Variants in CALCOCO1 observed in about 807,000 individuals in gnomAD.
The protein encoded by CALCOCO1 is calcium-binding and coiled-coil domain-containing protein 1.
In CALCOCO1, 44 loss-of-function variants were observed where a neutral mutation model predicts 86.3. That is an observed-to-expected ratio of 0.51 (90% CI 0.40 to 0.66). The LOEUF (loss-of-function observed/expected upper bound fraction) is 0.66, where lower values mean the gene tolerates loss of function less well. Among genes scored for constraint, CALCOCO1 ranks in the 30% least tolerant of loss-of-function variants. The pLI is 0.00. For missense variants in CALCOCO1, 708 were observed against 851.1 expected, an observed-to-expected ratio of 0.83 and a Z score of 2.09; for synonymous variants, 297 against 327.6, an observed-to-expected ratio of 0.91 and a Z score of 1.01.
chr12:53,712,983 C>T, intron 14 of CALCOCO1, 117 bp downstream of exon 14: 2 of 1,283,284 alleles, frequency 1.6e-6, no homozygotes, highest in South Asian at 2.6e-5. Flanking sequence ...ATCTCCTTTT[C>T]TTGGCTGAGG....
At chr12:53,716,520 A>C in intron 7 of CALCOCO1, 105 bp from the exon 8 acceptor site, 1 of 1,194,140 alleles carries the variant, frequency 8.4e-7, no homozygotes, top group Non-Finnish European at 1.2e-6. Flanking sequence ...TCTCAGATTT[A>C]ACACACACTC....
Position 53,725,206 on chromosome 12 carries a change from C to A in CALCOCO1, c.37G>T (p.Gly13Cys), listed in dbSNP as rs1238794791. The change falls in exon 2 of 15, where the codon GGT becomes TGT. Residue 13 changes from glycine to cysteine, a missense_variant. Coordinates refer to ENST00000550804, the MANE Select transcript of CALCOCO1 (RefSeq NM_020898.3). ...ESPLSRAPSR[G>C]GVNFLNVART... is the part of the protein sequence containing the mutation. The stretch of plus-strand genomic sequence containing the variant: ...GCTACATTGAGAAAGTTGACTCCAC[C>A]ACGGGATGGTGCCCGGCTTAGTGGT... The A allele has an allele frequency of 2.5e-6, 4 of 1,610,912 alleles. No homozygotes were observed. The South Asian group carries it at 4.4e-5, about 18-fold the overall frequency.
rs1593071455 is a variant in CALCOCO1, at chr12:53,710,248, G to GATGAGGTTGCTACGA, written c.*1695_*1696insTCGTAGCAACCTCAT. 1 of 151,968 alleles carries GATGAGGTTGCTACGA rather than the reference G, an allele frequency of 6.6e-6. No homozygotes were observed. Among genetic ancestry groups the GATGAGGTTGCTACGA allele is most frequent in the Non-Finnish European group, 1.5e-5 (1 of 67,998 alleles). The allele number at this position is 151,968 out of a possible 1,614,324, so 9.4% of individuals were successfully genotyped here. A position where few individuals can be genotyped will look rare whatever the true frequency, so the allele number is the denominator to read the frequency against. On this transcript the variant is annotated 3_prime_UTR_variant, in exon 15 of 15. Transcript: ENST00000550804. ...TTCCTTGGAAGGGATTCAGGGAACG[G>GATGAGGTTGCTACGA]GATGGGGTTGCTAGGAGACGGAGAC...
intron 6 of CALCOCO1, among the ~76,000 whole-genome samples, chr12:53,720,175 C>T (rs1945830006): frequency 6.6e-6 from 1 of 151,976 alleles, no homozygotes; most frequent in Non-Finnish European, 1.5e-5. Flanking sequence ...TTGATCTAGA[C>T]CAGAAGTTGG....
chr12:53,714,733 G>A (rs768300803), intron 10 of CALCOCO1, 40 bp from the exon 11 acceptor site: 2 of 1,464,246 alleles, frequency 1.4e-6, no homozygotes, highest in Non-Finnish European at 1.9e-6. Flanking sequence ...AGCCTAGAAT[G>A]TACCTCCAAG....
Position 53,709,321 on chromosome 12 carries a change from A to G in CALCOCO1, c.*2623T>C, listed in dbSNP as rs1945509178. The G allele has an allele frequency of 6.6e-6, 1 of 152,244 alleles. No individual in the cohort carries two copies. The highest frequency in any genetic ancestry group is 2.4e-5 in the African/African-American group (1 of 41,458). The allele number at this position is 152,244 out of a possible 1,614,324, so 9.4% of individuals were successfully genotyped here. A position where few individuals can be genotyped will look rare whatever the true frequency, so the allele number is the denominator to read the frequency against. ...GGGTTTCCCCCAGCCCATGCCGTCA[A>G]TTACCCTTCCTTGAGCCCCCTCTGT... On this transcript the variant is annotated 3_prime_UTR_variant, in exon 15 of 15. Coordinates refer to ENST00000550804, the MANE Select transcript of CALCOCO1 (RefSeq NM_020898.3).
chr12:53,715,398 A>G (rs1945697725), intron 9 of CALCOCO1, 73 bp from the exon 10 acceptor site: 2 of 1,574,284 alleles, frequency 1.3e-6, no homozygotes, highest in Non-Finnish European at 1.7e-6. Context: ...CAACAGCACC[A>G]TCCCTTACTG....
chr12:53,719,741 C>T lies in CALCOCO1; in HGVS notation c.847G>A (p.Glu283Lys), dbSNP rs543529054. 1 of 1,612,110 alleles carries T rather than the reference C, an allele frequency of 6.2e-7. No homozygotes were observed. Among genetic ancestry groups the T allele is most frequent in the Non-Finnish European group, 8.5e-7 (1 of 1,178,410 alleles). The change falls in exon 7 of 15, where the codon GAG becomes AAG. Residue 283 changes from glutamate (E) to lysine (K), a missense_variant and splice_region_variant. Transcript: ENST00000550804. ...CAAATCAACTCTGAGCCCCTTACCT[C>T]ACTTTGCTCCTTGTCTGCTTGTACT... Reference protein sequence around the residue: ...KEVQADKEQSEAELQVAQQEN... With the variant: ...KEVQADKEQSKAELQVAQQEN...
intron 5 of CALCOCO1, 164 bp from the exon 6 acceptor site, chr12:53,721,779 A>G: frequency 2.2e-6 from 2 of 913,596 alleles, no homozygotes; most frequent in Middle Eastern, 2.5e-4. Context: ...CTTACCTATC[A>G]ACGTGGCCAC....
At chr12:53,712,265 C>A in intron 14 of CALCOCO1, 144 bp from the exon 15 acceptor site, 1 of 656,422 alleles carries the variant, frequency 1.5e-6, no homozygotes. Context: ...CCCACAGCGT[C>A]TTTCTCCCCA....
At chr12:53,715,403 T>C in intron 9 of CALCOCO1, 78 bp from the exon 10 acceptor site, 3 of 1,559,262 alleles carry the variant, frequency 1.9e-6, no homozygotes, top group South Asian at 1.1e-5. Flanking sequence ...GCACCATCCC[T>C]TACTGTGTCC....
chr12:53,725,464 G>A (rs1021588329), intron 1 of CALCOCO1, among the ~76,000 whole-genome samples, 198 bp from the exon 2 acceptor site: 36 of 152,148 alleles, frequency 2.4e-4, no homozygotes, highest in African/African-American at 6.3e-4. Context: ...TTCCAAGTCC[G>A]TCCCCATCCT....
intron 1 of CALCOCO1, among the ~76,000 whole-genome samples, 179 bp from the exon 2 acceptor site, chr12:53,725,445 G>C (rs75079649): frequency 0.13 from 19,191 of 152,180 alleles, 1,308 homozygotes; most frequent in Non-Finnish European, 0.16. Flanking sequence ...CTAGGACGTA[G>C]GTCTGGCCTT....
At chr12:53,717,453 C>T (rs1384936053) in intron 7 of CALCOCO1, among the ~76,000 whole-genome samples, 1 of 152,220 alleles carries the variant, frequency 6.6e-6, no homozygotes, top group African/African-American at 2.4e-5. Flanking sequence ...AGATCCACCA[C>T]AGTCTAACCT....
intron 9 of CALCOCO1, 54 bp downstream of exon 9, chr12:53,715,739 C>T: frequency 2.5e-6 from 4 of 1,595,302 alleles, no homozygotes; most frequent in Non-Finnish European, 3.4e-6. Context: ...TAGGAGTCCC[C>T]ACAGAGGTGG....
At chr12:53,720,916 C>T (rs1342747254) in intron 6 of CALCOCO1, among the ~76,000 whole-genome samples, 3 of 152,166 alleles carry the variant, frequency 2.0e-5, no homozygotes, top group African/African-American at 7.2e-5. Flanking sequence ...GAGTTTGGCT[C>T]AATACAAGAG....
At chr12:53,714,263 G>C in intron 11 of CALCOCO1, 22 bp from the exon 12 acceptor site, 2 of 1,583,210 alleles carry the variant, frequency 1.3e-6, no homozygotes. Flanking sequence ...AAGGAAAAAG[G>C]CAGGTGCTAG....
At chr12:53,717,257 G>A (rs1202442108) in intron 7 of CALCOCO1, among the ~76,000 whole-genome samples, 1 of 152,050 alleles carries the variant, frequency 6.6e-6, no homozygotes, top group Non-Finnish European at 1.5e-5. Context: ...AGATGAGACA[G>A]GGTCTCACTA....
At position 53,723,786 on chromosome 12, in the gene CALCOCO1, G is replaced by A; in HGVS notation, c.260-3C>T. Reference sequence around the variant, plus strand: ...TCCTGGTTTGGGCAGGTAGCTGGCTGTGGGAAGAAGAATGGACCCAGGACC... The same window carrying A: ...TCCTGGTTTGGGCAGGTAGCTGGCTATGGGAAGAAGAATGGACCCAGGACC... On this transcript the variant is annotated splice_region_variant and splice_polypyrimidine_tract_variant and intron_variant, in intron 3 of 14. Transcript: ENST00000550804. 6.2e-7 allele frequency: 1 copy of A among 1,611,280 alleles called. No individual in the cohort carries two copies. The highest frequency in any genetic ancestry group is 8.5e-7 in the Non-Finnish European group (1 of 1,177,870).
Sources: gnomAD v4.1 joint callset for allele counts (sites outside exome capture counted in the v4.1 genomes callset) on GRCh38, gnomAD v4.1.1 for gene constraint, MANE v1.5 for transcripts, NCBI Gene and HGNC (gene_info 2026-07-23, HGNC 2026-07-21) for gene names.